Variants in FHOD3 observed in about 807,000 individuals in gnomAD.
FHOD3 encodes the protein formin homology 2 domain containing 3.
FHOD3 carries 90 observed loss-of-function variants against 173.0 expected under a neutral mutation model. That is an observed-to-expected ratio of 0.52 (90% CI 0.44 to 0.62). The LOEUF (loss-of-function observed/expected upper bound fraction) is 0.62, where lower values mean the gene tolerates loss of function less well. FHOD3 is among the 20% of genes least tolerant of loss of function. FHOD3 has a pLI of 0.00. For synonymous variants in FHOD3, 828 were observed against 823.0 expected (o/e 1.01, Z -0.10); for missense variants, 1,945 against 2,034.7 (o/e 0.96, Z 0.85).
intron 3 of FHOD3, among the ~76,000 whole-genome samples, chr18:36,409,990 G>A (rs766770984): frequency 6.6e-5 from 10 of 152,202 alleles, no homozygotes; most frequent in South Asian, 2.1e-4. Context: ...TGAACCTCCC[G>A]GAAGTAGAAG....
intron 6 of FHOD3, among the ~76,000 whole-genome samples, chr18:36,586,773 C>T (rs1373049347): frequency 6.6e-6 from 1 of 152,154 alleles, no homozygotes; most frequent in Non-Finnish European, 1.5e-5. Flanking sequence ...AGCCACCGTG[C>T]CTGGCCGCGT....
chr18:36,429,775 G>C (rs567925813), intron 3 of FHOD3, among the ~76,000 whole-genome samples: 3 of 152,148 alleles, frequency 2.0e-5, no homozygotes, highest in Non-Finnish European at 4.4e-5. Flanking sequence ...GGCCTCCACT[G>C]TTCCTTGCGC....
chr18:36,446,927 G>A (rs2051519669), intron 3 of FHOD3, among the ~76,000 whole-genome samples: 1 of 152,164 alleles, frequency 6.6e-6, no homozygotes, highest in African/African-American at 2.4e-5. Context: ...TGGGGTAGCA[G>A]TGGGGAGGGG....
intron 3 of FHOD3, among the ~76,000 whole-genome samples, chr18:36,486,192 C>G (rs530185419): frequency 1.3e-5 from 2 of 152,196 alleles, no homozygotes; most frequent in African/African-American, 2.4e-5. Context: ...CTGGATGGTT[C>G]TGTCTACATC....
In FHOD3 at chr18:36,746,255, C is replaced by T. The variant is rs146626825; in HGVS notation, c.4042-690C>T. Among the ~76,000 whole-genome samples the T allele has an allele frequency of 2.9e-3, 443 of 152,344 alleles. 1 individual carries two copies. The highest frequency in any genetic ancestry group is 0.01 in the Middle Eastern group (3 of 294). ...TCTGCTGGCAACCCTCACCCACACA[C>T]AGGCACACACACGAGCCTGGTGGGG... On this transcript the variant is annotated intron_variant, in intron 23 of 28. Coordinates refer to ENST00000590592, the MANE Select transcript of FHOD3 (RefSeq NM_001281740.3).
intron 19 of FHOD3, among the ~76,000 whole-genome samples, chr18:36,730,250 G>T (rs1012526111): frequency 1.3e-5 from 2 of 152,224 alleles, no homozygotes; most frequent in Non-Finnish European, 1.5e-5. Flanking sequence ...CTCTCTCTGG[G>T]CACGCACCAT....
At chr18:36,372,768 A>G in intron 3 of FHOD3, 24 bp downstream of exon 3, 1 of 1,606,652 alleles carries the variant, frequency 6.2e-7, no homozygotes, top group Non-Finnish European at 8.5e-7. Flanking sequence ...GCCCTCAGGA[A>G]CTAAACATAT....
intron 25 of FHOD3, 65 bp downstream of exon 25, chr18:36,755,376 T>A: frequency 1.1e-5 from 6 of 535,082 alleles, no homozygotes; most frequent in Non-Finnish European, 1.7e-5. Context: ...TCAGGAATCC[T>A]CCCCACAGTT....
chr18:36,585,062 A>G (rs1445234637), intron 6 of FHOD3, among the ~76,000 whole-genome samples: 7 of 152,196 alleles, frequency 4.6e-5, no homozygotes, highest in East Asian at 3.8e-4. Context: ...TTAAACTACA[A>G]TATTTAATGC....
chr18:36,482,858 C>CACAGAGAG (rs1400178557), intron 3 of FHOD3, among the ~76,000 whole-genome samples: 70 of 130,454 alleles, frequency 5.4e-4, no homozygotes, highest in African/African-American at 1.8e-3. Flanking sequence ...CACACACACA[C>CACAGAGAG]AGAGAGAGAG....
intron 3 of FHOD3, among the ~76,000 whole-genome samples, chr18:36,385,300 T>C (rs2047975649): frequency 6.6e-6 from 1 of 152,186 alleles, no homozygotes; most frequent in Admixed American, 6.5e-5. Flanking sequence ...CAAAATGGAG[T>C]TGGCCAACCT....
At chr18:36,597,776 TTGTC>T (rs1428827721) in intron 7 of FHOD3, among the ~76,000 whole-genome samples, 7 of 152,048 alleles carry the variant, frequency 4.6e-5, no homozygotes, top group African/African-American at 1.7e-4. Context: ...GCAACTGCTG[TTGTC>T]TGTCTGCTGC....
intron 6 of FHOD3, among the ~76,000 whole-genome samples, chr18:36,588,012 T>G (rs1242156991): frequency 6.6e-6 from 1 of 152,224 alleles, no homozygotes; most frequent in Non-Finnish European, 1.5e-5. Context: ...CATGACTTCC[T>G]GTTCTGGTGG....
intron 3 of FHOD3, among the ~76,000 whole-genome samples, chr18:36,482,946 C>A (rs2054009178): frequency 6.6e-6 from 1 of 151,148 alleles, no homozygotes. Context: ...GACTCAACTG[C>A]AGTTAAAAAT....
At chr18:36,769,222 T>C in intron 27 of FHOD3, 43 bp from the exon 28 acceptor site, 1 of 1,601,444 alleles carries the variant, frequency 6.2e-7, no homozygotes, top group Non-Finnish European at 8.5e-7. Flanking sequence ...CTTTTGTGTT[T>C]TCCTTCTGAG....
intron 14 of FHOD3, among the ~76,000 whole-genome samples, chr18:36,675,353 T>C (rs2037785853): frequency 6.6e-6 from 1 of 152,134 alleles, no homozygotes; most frequent in Non-Finnish European, 1.5e-5. Context: ...CATCTTTTTT[T>C]TTTTCTCCCT....
chr18:36,624,927 A>G (rs2033982800), intron 9 of FHOD3, among the ~76,000 whole-genome samples: 1 of 152,240 alleles, frequency 6.6e-6, no homozygotes, highest in Non-Finnish European at 1.5e-5. Flanking sequence ...GGCTGCTGTG[A>G]TAGCCTGATA....
rs759460324 is a variant in FHOD3 at position 36,755,162 on chromosome 18, A to G, written c.4276A>G (p.Ile1426Val). Residue 1426 changes from isoleucine (I) to valine (V), a missense_variant, in exon 25 of 29, where the codon ATT becomes GTT. Ile to Val is a conservative substitution (Grantham distance 29). This residue lies in a region of FHOD3 where 354 missense variants were observed against 359.9 expected (regional missense o/e 0.98). Transcript: ENST00000590592. ...LLFMGHPPYA[I>V]REVNINKFCR... ...CTTTATGGGCCATCCACCTTATGCA[A>G]TTCGGGAAGTGAACATAAACAAATT... 9.9e-6 allele frequency: 16 copies of G among 1,611,460 alleles called. No individual in the cohort carries two copies. Among genetic ancestry groups the G allele is most frequent in the Admixed American group, 3.4e-5 (2 of 59,686 alleles).
intron 2 of FHOD3, among the ~76,000 whole-genome samples, chr18:36,369,682 A>T (rs1325082336): frequency 6.6e-6 from 1 of 152,084 alleles, no homozygotes; most frequent in Non-Finnish European, 1.5e-5. Flanking sequence ...TGAGTCTTAT[A>T]TGGTCTTGTA....
Sources: allele counts gnomAD v4.1 joint callset (sites outside exome capture counted in the v4.1 genomes callset), GRCh38; gene constraint gnomAD v4.1.1; regional missense constraint gnomAD v4.1.1; transcripts MANE v1.5; gene names NCBI Gene and HGNC (gene_info 2026-07-23, HGNC 2026-07-21).